TET2: variants seen among roughly 807,000 people sequenced by gnomAD.
TET2 encodes tet methylcytosine dioxygenase 2.
In TET2, 299 loss-of-function variants were observed where a neutral mutation model predicts 142.9. The observed-to-expected ratio is 2.09, with a 90% CI of 1.90 to 2.30. TET2 has a LOEUF of 2.30. TET2 is among the 30% of genes most tolerant of loss of function. The probability of loss-of-function intolerance (pLI) is 0.00; values close to 1 mark genes in which losing one functional copy is unlikely to be tolerated. For missense variants in TET2, 2,418 were observed against 2,378.0 expected, an observed-to-expected ratio of 1.02 and a Z score of -0.35; for synonymous variants, 819 against 849.0, an observed-to-expected ratio of 0.96 and a Z score of 0.61.
chr4:105,235,774 T>TG lies in TET2; in HGVS notation c.1833dup (p.Pro612AlafsTer26). On this transcript the variant is annotated frameshift_variant, in exon 3 of 11. Transcript: ENST00000380013. LOFTEE classifies it high-confidence loss of function. ...AAACAATACACTGGAAATTCCAACA[T>TG]GCCTGGGGGGCTCCCAAGGCAAGCT... 6.2e-7 allele frequency: 1 copy of TG among 1,614,106 alleles called. No homozygotes were observed.
intron 1 of TET2, among the ~76,000 whole-genome samples, chr4:105,167,409 CTACATA>C (rs988682803): frequency 1.3e-5 from 2 of 151,538 alleles, no homozygotes; most frequent in Non-Finnish European, 2.9e-5. Context: ...TACACATATG[CTACATA>C]TACATGTATA....
intron 1 of TET2, among the ~76,000 whole-genome samples, chr4:105,149,629 A>G (rs1386954406): frequency 6.6e-6 from 1 of 152,226 alleles, no homozygotes; most frequent in African/African-American, 2.4e-5. Context: ...ATAACAAGAT[A>G]GATAGCTTTT....
chr4:105,230,404 A>G (rs1728439788), intron 2 of TET2, among the ~76,000 whole-genome samples: 1 of 152,216 alleles, frequency 6.6e-6, no homozygotes, highest in Non-Finnish European at 1.5e-5. Context: ...ACATATTGCC[A>G]AATTGTCATC....
At chr4:105,152,035 T>C (rs971722793) in intron 1 of TET2, among the ~76,000 whole-genome samples, 1 of 152,196 alleles carries the variant, frequency 6.6e-6, no homozygotes, top group Non-Finnish European at 1.5e-5. Context: ...CCCAGCACTT[T>C]GGGAGGCCGA....
intron 6 of TET2, among the ~76,000 whole-genome samples, chr4:105,258,730 T>C (rs1020685508): frequency 1.3e-5 from 2 of 152,210 alleles, no homozygotes; most frequent in Admixed American, 6.5e-5. Flanking sequence ...TATATCACAA[T>C]ATACATACAT....
rs1397548011 is a variant in TET2 at position 105,242,623 on chromosome 4, A to G, written c.3501-211A>G. 4 of 1,297,154 alleles carry G rather than the reference A, an allele frequency of 3.1e-6. No individual in the cohort carries two copies. In the African/African-American group the frequency reaches 4.6e-5, roughly 15 times the overall value. 80.4% of individuals were successfully genotyped at this position (1,297,154 alleles called of 1,614,324 possible). On this transcript the variant is annotated intron_variant, in intron 4 of 10. Transcript: ENST00000380013. ...GTAATTTACAAAATAGTTCATTACA[A>G]TTATCTGTACATTTTGATATTGAGG...
At chr4:105,210,536 A>C (rs368538851) in intron 2 of TET2, among the ~76,000 whole-genome samples, 2 of 152,128 alleles carry the variant, frequency 1.3e-5, no homozygotes, top group South Asian at 4.1e-4. Context: ...CTGCCTGCCT[A>C]ATATACCCAC....
At chr4:105,177,516 G>T (rs952649597) in intron 1 of TET2, 1 of 152,162 alleles carries the variant, frequency 6.6e-6, no homozygotes, top group African/African-American at 2.4e-5. Context: ...TGTCAAGAAA[G>T]CATAGGAAAA....
At chr4:105,203,988 G>A (rs1578614049) in intron 2 of TET2, among the ~76,000 whole-genome samples, 1 of 151,998 alleles carries the variant, frequency 6.6e-6, no homozygotes, top group East Asian at 1.9e-4. Flanking sequence ...ATTACCTGAG[G>A]TCAGGAGTTT....
Position 105,206,488 on chromosome 4 carries a change from T to C in TET2, c.-47+15983T>C, listed in dbSNP as rs183360540. 2.2e-3 allele frequency among the ~76,000 whole-genome samples: 333 copies of C among 152,302 alleles called. 2 individuals are homozygous for C. Among genetic ancestry groups the C allele is most frequent in the African/African-American group, 7.6e-3 (315 of 41,560 alleles). On this transcript the variant is annotated intron_variant, in intron 2 of 10. Transcript: ENST00000380013. ...TGGAGGGCTTCAACTGCAGTCTACC[T>C]TTGTCCTGTTAGTTTTGTCTATCAC...
intron 2 of TET2, among the ~76,000 whole-genome samples, chr4:105,221,964 G>A (rs1365332574): frequency 1.4e-5 from 2 of 147,730 alleles, no homozygotes; most frequent in Non-Finnish European, 3.0e-5. Context: ...AATATGCGGT[G>A]TTTGGTTTTT....
At position 105,169,734 on chromosome 4, in the gene TET2, TC is replaced by T. The variant is rs774724533; in HGVS notation, c.-192-20624del. Among the ~76,000 whole-genome samples the T allele has an allele frequency of 8.5e-5, 13 of 152,342 alleles. No homozygotes were observed. In the East Asian group the frequency reaches 2.5e-3, roughly 29 times the overall value. On this transcript the variant is annotated intron_variant, in intron 1 of 10. Coordinates refer to ENST00000380013, the MANE Select transcript of TET2 (RefSeq NM_001127208.3). ...TCAGCACGTAGATTTAAGTTTTTGATCCATCTTGAGTTGATTTTTATATAAG... is the reference window on the plus strand; with the variant it reads ...TCAGCACGTAGATTTAAGTTTTTGATCATCTTGAGTTGATTTTTATATAAG...
intron 7 of TET2, among the ~76,000 whole-genome samples, 175 bp downstream of exon 7, chr4:105,259,944 T>C (rs901021610): frequency 1.3e-5 from 2 of 152,126 alleles, no homozygotes; most frequent in Non-Finnish European, 2.9e-5. Flanking sequence ...GCCAAAATAA[T>C]AGATAAAATT....
chr4:105,192,203 TA>T (rs758503316), intron 2 of TET2, among the ~76,000 whole-genome samples: 2,424 of 148,146 alleles, frequency 0.016, 28 homozygotes, highest in Middle Eastern at 0.028. Context: ...TAAGATAACT[TA>T]AAAAAAAAAC....
Position 105,275,395 on chromosome 4 carries a change from CCAT to C in TET2, c.4889_4891del (p.Ser1630del). ...GCTTTTGAATCAGAATACCCAATAT[CCAT>C]CATATCAATGCAATGGAAACCTATC... is the stretch of plus-strand genomic sequence containing the variant. On this transcript the variant is annotated inframe_deletion, in exon 11 of 11. Transcript: ENST00000380013. 6.4e-7 allele frequency: 1 copy of C among 1,551,620 alleles called. No homozygotes were observed. Among genetic ancestry groups the C allele is most frequent in the Non-Finnish European group, 8.7e-7 (1 of 1,146,976 alleles).
At chr4:105,198,045 A>G (rs969471461) in intron 2 of TET2, among the ~76,000 whole-genome samples, 4 of 152,162 alleles carry the variant, frequency 2.6e-5, no homozygotes, top group Admixed American at 6.5e-5. Flanking sequence ...TATTTAATAA[A>G]TGTTTTTTGG....
intron 8 of TET2, among the ~76,000 whole-genome samples, chr4:105,266,347 T>TA (rs976986734): frequency 1.2e-4 from 18 of 148,734 alleles, no homozygotes; most frequent in East Asian, 2.0e-4. Context: ...GTACAAAAAT[T>TA]AAAAAAAAAA....
chr4:105,190,174 ATTG>A (rs2110480127), intron 1 of TET2, among the ~76,000 whole-genome samples, 183 bp from the exon 2 acceptor site: 1 of 152,322 alleles, frequency 6.6e-6, no homozygotes, highest in Admixed American at 6.5e-5. Context: ...AGATATTAGA[ATTG>A]TTATTATGGT....
chr4:105,203,078 G>A (rs985614664), intron 2 of TET2, among the ~76,000 whole-genome samples: 6 of 152,174 alleles, frequency 3.9e-5, no homozygotes, highest in Non-Finnish European at 8.8e-5. Context: ...CTTGGCACAT[G>A]GTAGGTAATT....
Sources: gnomAD v4.1 joint callset for allele counts (sites outside exome capture counted in the v4.1 genomes callset) on GRCh38, gnomAD v4.1.1 for gene constraint, MANE v1.5 for transcripts, NCBI Gene and HGNC (gene_info 2026-07-23, HGNC 2026-07-21) for gene names.